Variants in THSD7B observed in about 807,000 individuals in gnomAD.
The protein encoded by THSD7B is thrombospondin type-1 domain-containing protein 7B.
THSD7B carries 138 observed loss-of-function variants against 213.6 expected under a neutral mutation model. That is an observed-to-expected ratio of 0.65 (90% CI 0.56 to 0.74). THSD7B has a LOEUF of 0.74. Ranked by LOEUF, THSD7B falls within the 30% of genes least tolerant of loss-of-function variation. THSD7B has a pLI of 0.00. For synonymous variants in THSD7B, 742 were observed against 687.0 expected, an observed-to-expected ratio of 1.08 and a Z score of -1.25; for missense variants, 1,931 against 1,991.5, an observed-to-expected ratio of 0.97 and a Z score of 0.58.
At chr2:137,362,350 A>G (rs111714862) in intron 12 of THSD7B, among the ~76,000 whole-genome samples, 1 of 152,004 alleles carries the variant, frequency 6.6e-6, no homozygotes, top group African/African-American at 2.4e-5. Context: ...ACCAGCTAAC[A>G]TCATAATGAT....
intron 12 of THSD7B, among the ~76,000 whole-genome samples, chr2:137,392,680 A>G (rs1448537013): frequency 3.3e-5 from 5 of 152,094 alleles, no homozygotes; most frequent in Admixed American, 6.5e-5. Context: ...TGGTTGGATC[A>G]TCTTTTCTTT....
intron 9 of THSD7B, among the ~76,000 whole-genome samples, chr2:137,238,801 C>A (rs1397375399): frequency 6.6e-6 from 1 of 151,446 alleles, no homozygotes; most frequent in South Asian, 2.1e-4. Flanking sequence ...GATCCACCCG[C>A]CTCGGCCTCC....
intron 14 of THSD7B, among the ~76,000 whole-genome samples, chr2:137,434,396 C>T (rs1005313910): frequency 6.6e-6 from 1 of 152,194 alleles, no homozygotes; most frequent in South Asian, 2.1e-4. Context: ...TTCAGAAGCT[C>T]TTTAACAGTA....
intron 1 of THSD7B, among the ~76,000 whole-genome samples, chr2:136,789,097 G>A (rs914894359): frequency 5.3e-5 from 8 of 152,048 alleles, no homozygotes; most frequent in Admixed American, 2.0e-4. Context: ...TCTTGGAGAT[G>A]TAAGGATGTT....
intron 1 of THSD7B, among the ~76,000 whole-genome samples, chr2:136,864,353 T>C (rs1683299839): frequency 6.6e-6 from 1 of 152,190 alleles, no homozygotes; most frequent in Non-Finnish European, 1.5e-5. Flanking sequence ...TGAATAAATG[T>C]TCTTGTTGAA....
At chr2:136,898,879 G>T (rs890364315) in intron 2 of THSD7B, among the ~76,000 whole-genome samples, 5 of 151,920 alleles carry the variant, frequency 3.3e-5, no homozygotes, top group African/African-American at 1.2e-4. Context: ...CTGACCTCGT[G>T]ATCTGCCCAC....
At chr2:137,145,597 G>C (rs1285969731) in intron 5 of THSD7B, among the ~76,000 whole-genome samples, 2 of 152,012 alleles carry the variant, frequency 1.3e-5, no homozygotes. Context: ...TATCCATTGA[G>C]AGCCCCCCAT....
intron 7 of THSD7B, among the ~76,000 whole-genome samples, chr2:137,185,760 G>A (rs983676343): frequency 6.6e-6 from 1 of 152,138 alleles, no homozygotes; most frequent in East Asian, 1.9e-4. Flanking sequence ...ATACTCAGTA[G>A]TGAGATTGCA....
chr2:137,060,229 A>T (rs565223769), intron 3 of THSD7B, among the ~76,000 whole-genome samples: 5 of 152,140 alleles, frequency 3.3e-5, no homozygotes, highest in East Asian at 3.9e-4. Flanking sequence ...TTATTGTTGA[A>T]TTTTAAGAGT....
chr2:137,389,982 C>T (rs185400798), intron 12 of THSD7B, among the ~76,000 whole-genome samples: 3 of 152,142 alleles, frequency 2.0e-5, no homozygotes, highest in African/African-American at 7.2e-5. Flanking sequence ...TCAGGTAGTG[C>T]GATGCCTCCA....
intron 18 of THSD7B, 68 bp from the exon 19 acceptor site, chr2:137,618,324 A>G (rs1469998742): frequency 8.3e-7 from 1 of 1,208,260 alleles, no homozygotes; most frequent in Non-Finnish European, 1.2e-6. Context: ...AGATAATCAA[A>G]GGTCTGTTGT....
intron 15 of THSD7B, among the ~76,000 whole-genome samples, chr2:137,487,419 A>T (rs541914061): frequency 1.7e-4 from 24 of 144,906 alleles, no homozygotes; most frequent in Admixed American, 1.1e-3. Flanking sequence ...AAGCAAGAGC[A>T]AACACATTCA....
rs142770950 is a variant in THSD7B, at chr2:137,196,934, C to T, written c.1723+25996C>T. The stretch of plus-strand genomic sequence containing the variant: ...CAGCGGTAATAGGGCTAATGCACAG[C>T]GGGCTCCTCCTGTTACGATGCCCTA... On this transcript the variant is annotated intron_variant, in intron 7 of 27. Coordinates refer to ENST00000409968, the MANE Select transcript of THSD7B (RefSeq NM_001316349.2). 9.1e-4 allele frequency among the ~76,000 whole-genome samples: 139 copies of T among 152,236 alleles called. No homozygotes were observed. The Middle Eastern group carries it at 0.014, about 15-fold the overall frequency.
chr2:137,086,149 C>A (rs1687837466), intron 3 of THSD7B, among the ~76,000 whole-genome samples: 1 of 152,076 alleles, frequency 6.6e-6, no homozygotes, highest in Non-Finnish European at 1.5e-5. Flanking sequence ...GAGTTCAAGA[C>A]CAGCCTGGCA....
chr2:137,412,597 CA>C (rs748551585), intron 14 of THSD7B, among the ~76,000 whole-genome samples: 1 of 24,088 alleles, frequency 4.2e-5, no homozygotes, highest in Non-Finnish European at 8.9e-5. Flanking sequence ...AACTCTGTCT[CA>C]AAAAAAAAAA....
chr2:137,158,627 GA>G (rs1404689747), intron 5 of THSD7B, among the ~76,000 whole-genome samples: 15 of 150,662 alleles, frequency 1.0e-4, no homozygotes, highest in African/African-American at 3.8e-4. Flanking sequence ...TTGTTCATTA[GA>G]AATACTTTTT....
At chr2:136,781,584 G>A (rs138832117) in intron 1 of THSD7B, among the ~76,000 whole-genome samples, 5 of 151,896 alleles carry the variant, frequency 3.3e-5, no homozygotes. Context: ...CTACTTACCA[G>A]TTCTATTGGA....
intron 1 of THSD7B, among the ~76,000 whole-genome samples, chr2:136,828,744 C>T (rs1032714804): frequency 7.9e-5 from 12 of 152,332 alleles, no homozygotes; most frequent in African/African-American, 2.9e-4. Context: ...TCGTTTGTTT[C>T]ACCTGGCTAG....
intron 14 of THSD7B, among the ~76,000 whole-genome samples, chr2:137,436,362 G>A (rs1193040725): frequency 1.3e-5 from 2 of 152,062 alleles, no homozygotes; most frequent in Non-Finnish European, 2.9e-5. Flanking sequence ...TACAGATAAG[G>A]AAATCAAGGA....
Sources: allele counts gnomAD v4.1 joint callset (sites outside exome capture counted in the v4.1 genomes callset), GRCh38; gene constraint gnomAD v4.1.1; transcripts MANE v1.5; gene names NCBI Gene and HGNC (gene_info 2026-07-23, HGNC 2026-07-21).